Variants in AKAP6 observed in about 807,000 individuals in gnomAD.
The protein encoded by AKAP6 is A-kinase anchor protein 6.
Under a neutral mutation model 188.5 loss-of-function variants are expected in AKAP6, and 58 were observed. The ratio of observed to expected loss-of-function variants is 0.31; its 90% CI spans 0.25 to 0.38. AKAP6 has a LOEUF of 0.38. Ranked by LOEUF, AKAP6 falls within the 10% of genes least tolerant of loss-of-function variation. The pLI is 1.00. For synonymous variants in AKAP6, 989 were observed against 998.6 expected, an observed-to-expected ratio of 0.99 and a Z score of 0.18; for missense variants, 2,710 against 2,740.0, an observed-to-expected ratio of 0.99 and a Z score of 0.24.
At chr14:32,592,356 G>A (rs1035256722) in intron 5 of AKAP6, among the ~76,000 whole-genome samples, 3 of 152,166 alleles carry the variant, frequency 2.0e-5, no homozygotes, top group African/African-American at 7.2e-5. Flanking sequence ...AGTACTATGG[G>A]TGCCAAGGGT....
chr14:32,510,962 C>T (rs1009136525), intron 2 of AKAP6, among the ~76,000 whole-genome samples: 2 of 152,144 alleles, frequency 1.3e-5, no homozygotes, highest in South Asian at 2.1e-4. Context: ...GAGGAGAAGA[C>T]GTTCCTCTGA....
At chr14:32,725,157 T>A (rs2030807245) in intron 9 of AKAP6, among the ~76,000 whole-genome samples, 2 of 151,316 alleles carry the variant, frequency 1.3e-5, no homozygotes, top group African/African-American at 4.9e-5. Context: ...CTTTTCCCCT[T>A]TTACTAGCTT....
At chr14:32,712,197 T>C (rs1375195670) in intron 9 of AKAP6, among the ~76,000 whole-genome samples, 2 of 152,036 alleles carry the variant, frequency 1.3e-5, no homozygotes, top group South Asian at 2.1e-4. Context: ...GTTTACACTA[T>C]ACTGTAGGCT....
chr14:32,637,167 A>G (rs1419030291), intron 7 of AKAP6, among the ~76,000 whole-genome samples: 1 of 152,146 alleles, frequency 6.6e-6, no homozygotes, highest in East Asian at 1.9e-4. Context: ...ACCACTTAAC[A>G]TAGGGCCTAG....
At chr14:32,472,798 T>C (rs1020318960) in intron 2 of AKAP6, among the ~76,000 whole-genome samples, 9 of 152,170 alleles carry the variant, frequency 5.9e-5, no homozygotes, top group Non-Finnish European at 1.0e-4. Flanking sequence ...TCACCATCTC[T>C]TAGCAACTAA....
intron 12 of AKAP6, among the ~76,000 whole-genome samples, chr14:32,812,886 G>A (rs1594972993): frequency 6.6e-6 from 1 of 152,268 alleles, no homozygotes; most frequent in South Asian, 2.1e-4. Flanking sequence ...ACACTTAAAA[G>A]TTTCTCTGCA....
chr14:32,618,822 A>G (rs1886695934), intron 7 of AKAP6, among the ~76,000 whole-genome samples: 1 of 152,182 alleles, frequency 6.6e-6, no homozygotes, highest in Non-Finnish European at 1.5e-5. Context: ...AGCAGTGTAT[A>G]AGTGTTCCCT....
At chr14:32,714,031 G>C (rs2030042579) in intron 9 of AKAP6, among the ~76,000 whole-genome samples, 1 of 151,946 alleles carries the variant, frequency 6.6e-6, no homozygotes, top group Admixed American at 6.6e-5. Context: ...AGTACTTAGA[G>C]GCCATTGTAG....
chr14:32,563,071 G>A (rs1395525719), intron 4 of AKAP6, among the ~76,000 whole-genome samples: 5 of 152,106 alleles, frequency 3.3e-5, no homozygotes, highest in Admixed American at 3.3e-4. Context: ...CTTGCTCATG[G>A]TACCAAAAGG....
At chr14:32,713,255 C>T (rs2029991671) in intron 9 of AKAP6, among the ~76,000 whole-genome samples, 3 of 151,996 alleles carry the variant, frequency 2.0e-5, no homozygotes, top group Admixed American at 1.3e-4. Flanking sequence ...GTCATCCAGG[C>T]TTTGTTGTTC....
At chr14:32,544,927 G>T (rs1198601931) in intron 3 of AKAP6, among the ~76,000 whole-genome samples, 2 of 152,072 alleles carry the variant, frequency 1.3e-5, no homozygotes, top group Admixed American at 6.5e-5. Flanking sequence ...CTTATTAAAT[G>T]AATAATATAT....
intron 9 of AKAP6, among the ~76,000 whole-genome samples, chr14:32,716,567 A>T (rs968730321): frequency 6.7e-6 from 1 of 149,066 alleles, no homozygotes; most frequent in African/African-American, 2.4e-5. Context: ...CTCTCTAAAT[A>T]TGTATATATT....
intron 2 of AKAP6, among the ~76,000 whole-genome samples, chr14:32,492,885 ATGTCAAACTGG>A (rs1880111766): frequency 6.6e-6 from 1 of 152,212 alleles, no homozygotes; most frequent in Non-Finnish European, 1.5e-5. Context: ...CCACCAGTTT[ATGTCAAACTGG>A]TGTTTATGAA....
chr14:32,631,637 C>A (rs1887277903), intron 7 of AKAP6, among the ~76,000 whole-genome samples: 1 of 152,032 alleles, frequency 6.6e-6, no homozygotes, highest in African/African-American at 2.4e-5. Context: ...TTGAACCCAG[C>A]ACTATAGCAT....
Position 32,830,147 on chromosome 14 carries a change from C to G in AKAP6, c.*342C>G. 1 of 580,036 alleles carries G rather than the reference C, an allele frequency of 1.7e-6. No individual in the cohort carries two copies. Among genetic ancestry groups the G allele is most frequent in the Non-Finnish European group, 3.1e-6 (1 of 327,072 alleles). 35.9% of individuals were successfully genotyped at this position (580,036 alleles called of 1,614,324 possible). A position where few individuals can be genotyped will look rare whatever the true frequency, so the allele number is the denominator to read the frequency against. Reference sequence around the variant, plus strand: ...TCTTTGCCTCCTCCCTTCCCTTCCACTCTTTAAAGTTCTGCAGTTCACCAA... The same window carrying G: ...TCTTTGCCTCCTCCCTTCCCTTCCAGTCTTTAAAGTTCTGCAGTTCACCAA... On this transcript the variant is annotated 3_prime_UTR_variant, in exon 14 of 14. Transcript: ENST00000280979.
intron 2 of AKAP6, among the ~76,000 whole-genome samples, chr14:32,506,771 G>C (rs1280832814): frequency 6.7e-6 from 1 of 150,078 alleles, no homozygotes; most frequent in East Asian, 2.1e-4. Flanking sequence ...GACCTCAAGT[G>C]ATCTGCCCAC....
intron 11 of AKAP6, among the ~76,000 whole-genome samples, chr14:32,756,562 C>T (rs574035050): frequency 5.3e-5 from 8 of 151,866 alleles, no homozygotes; most frequent in Non-Finnish European, 1.0e-4. Flanking sequence ...CCCATGGGTT[C>T]TAGCCTGGTA....
intron 2 of AKAP6, among the ~76,000 whole-genome samples, chr14:32,446,819 A>G (rs1292670993): frequency 6.6e-6 from 1 of 152,188 alleles, no homozygotes; most frequent in Non-Finnish European, 1.5e-5. Context: ...ACAAGGCTTT[A>G]TAAAGACAAT....
intron 7 of AKAP6, among the ~76,000 whole-genome samples, chr14:32,664,135 G>C (rs554110090): frequency 6.6e-6 from 1 of 152,032 alleles, no homozygotes; most frequent in Non-Finnish European, 1.5e-5. Context: ...CTAGTGGATA[G>C]GAACCATGAC....
Sources: gnomAD v4.1 joint callset for allele counts (sites outside exome capture counted in the v4.1 genomes callset) on GRCh38, gnomAD v4.1.1 for gene constraint, MANE v1.5 for transcripts, NCBI Gene and HGNC (gene_info 2026-07-23, HGNC 2026-07-21) for gene names.